GPC3: variants seen among roughly 807,000 people sequenced by gnomAD.
The protein encoded by GPC3 is glypican 3, also known as glypican-3.
GPC3 carries 3 observed loss-of-function variants against 34.4 expected under a neutral mutation model. The observed-to-expected ratio is 0.09, with a 90% CI of 0.04 to 0.23. The LOEUF is 0.23. Among genes scored for constraint, GPC3 ranks in the 10% least tolerant of loss-of-function variants. GPC3 has a pLI of 1.00. For missense variants in GPC3, 351 were observed against 445.6 expected, an observed-to-expected ratio of 0.79 and a Z score of 1.91; for synonymous variants, 177 against 174.0, an observed-to-expected ratio of 1.02 and a Z score of -0.13.
chrX:133,614,114 T>C (rs1488554983), intron 6 of GPC3, among the ~76,000 whole-genome samples: 4 of 111,514 alleles, frequency 3.6e-5, no homozygotes, highest in African/African-American at 1.3e-4. Context: ...TGCAGAGTCA[T>C]GTGGGATACC....
At chrX:133,976,290 C>A (rs2076514483) in intron 1 of GPC3, among the ~76,000 whole-genome samples, 1 of 111,783 alleles carries the variant, frequency 8.9e-6, no homozygotes, top group Non-Finnish European at 1.9e-5. Context: ...TGGAACCAGG[C>A]AGGTTGCTGG....
chrX:133,958,711 A>G (rs2124638100), intron 1 of GPC3, among the ~76,000 whole-genome samples: 2 of 103,971 alleles, frequency 1.9e-5, no homozygotes, highest in African/African-American at 7.0e-5. Context: ...TCTCTACTGA[A>G]AAAAAAAAAA....
At chrX:133,902,973 G>A (rs1039496744) in intron 2 of GPC3, among the ~76,000 whole-genome samples, 8 of 110,742 alleles carry the variant, frequency 7.2e-5, no homozygotes, top group Admixed American at 2.9e-4. Flanking sequence ...GGCCGGGTGC[G>A]GTAGCCCATG....
At chrX:133,690,022 A>G (rs1037595708) in intron 5 of GPC3, among the ~76,000 whole-genome samples, 4 of 112,099 alleles carry the variant, frequency 3.6e-5, no homozygotes, top group African/African-American at 1.3e-4. Context: ...AAAAATGTTC[A>G]TGATTCTTCT....
intron 1 of GPC3, among the ~76,000 whole-genome samples, chrX:133,981,399 G>A (rs2076538324): frequency 8.9e-6 from 1 of 111,952 alleles, no homozygotes; most frequent in Admixed American, 9.5e-5. Flanking sequence ...AGCCCAAGGT[G>A]CCCCACCAAT....
intron 2 of GPC3, among the ~76,000 whole-genome samples, chrX:133,841,302 C>G (rs2075823554): frequency 1.0e-5 from 1 of 96,345 alleles, no homozygotes; most frequent in African/African-American, 3.8e-5. Flanking sequence ...TCAAGCAATT[C>G]TCCTGCCTCA....
At chrX:133,598,093 T>A (rs1426739694) in intron 6 of GPC3, among the ~76,000 whole-genome samples, 1 of 112,440 alleles carries the variant, frequency 8.9e-6, no homozygotes, top group Non-Finnish European at 1.9e-5. Context: ...TGAGAAATTT[T>A]AAAAATATTT....
intron 3 of GPC3, among the ~76,000 whole-genome samples, chrX:133,744,714 T>G (rs2071595339): frequency 1.8e-5 from 2 of 112,346 alleles, no homozygotes; most frequent in South Asian, 7.5e-4. Flanking sequence ...CATGCACATG[T>G]ATGCTTATTG....
chrX:133,850,908 G>A (rs949895321), intron 2 of GPC3, among the ~76,000 whole-genome samples: 1 of 106,714 alleles, frequency 9.4e-6, no homozygotes, highest in Admixed American at 1.0e-4. Flanking sequence ...TGGTTACCAC[G>A]GGGTAGAGAA....
chrX:133,985,581 C>T lies in GPC3; in HGVS notation c.-132G>A, dbSNP rs1162275183. On this transcript the variant is annotated 5_prime_UTR_variant, in exon 1 of 8. Coordinates refer to ENST00000370818, the MANE Select transcript of GPC3 (RefSeq NM_004484.4). ...TGCTACCCAGCCGCTGCAAAAGTTT[C>T]CTCGCAGCTACCTGGGCGCTGGGCG... 1.1e-5 allele frequency: 7 copies of T among 655,776 alleles called. No individual in the cohort carries two copies. The highest frequency in any genetic ancestry group is 2.2e-5 in the African/African-American group (1 of 45,755). The allele number at this position is 655,776 out of a possible 1,213,427, so 54.0% of individuals were successfully genotyped here. A position where few individuals can be genotyped will look rare whatever the true frequency, so the allele number is the denominator to read the frequency against.
intron 2 of GPC3, among the ~76,000 whole-genome samples, chrX:133,813,000 G>T (rs2075672676): frequency 8.9e-6 from 1 of 112,658 alleles, no homozygotes; most frequent in Admixed American, 9.4e-5. Flanking sequence ...TGAAGTGAAA[G>T]AAAAGCCTCC....
chrX:133,904,952 T>C (rs1289319987), intron 2 of GPC3, among the ~76,000 whole-genome samples: 1 of 112,331 alleles, frequency 8.9e-6, no homozygotes, highest in East Asian at 2.8e-4. Context: ...ATTTGCTTTC[T>C]GGCCATTTGT....
At chrX:133,772,912 T>C (rs773233195) in intron 2 of GPC3, among the ~76,000 whole-genome samples, 1 of 111,471 alleles carries the variant, frequency 9.0e-6, no homozygotes, top group East Asian at 2.8e-4. Flanking sequence ...GAATTCAAAA[T>C]GAGCTCTGAA....
At chrX:133,807,129 G>C (rs962409523) in intron 2 of GPC3, among the ~76,000 whole-genome samples, 1 of 111,646 alleles carries the variant, frequency 9.0e-6, no homozygotes, top group Non-Finnish European at 1.9e-5. Context: ...GTGGGGCCTG[G>C]TGGGAGGTGT....
intron 2 of GPC3, among the ~76,000 whole-genome samples, chrX:133,844,113 G>A (rs970493621): frequency 8.9e-6 from 1 of 111,791 alleles, no homozygotes; most frequent in Non-Finnish European, 1.9e-5. Flanking sequence ...AAAATGACTC[G>A]GTGAAAGGAG....
chrX:133,655,476 C>A lies in GPC3; in HGVS notation c.1413+6254G>T, dbSNP rs868287046. ...TGTAGGTACTCTGTCCTTCACACAC[C>A]CACACACACACACACACACACACAC... On this transcript the variant is annotated intron_variant, in intron 6 of 7. Transcript: ENST00000370818. Among the ~76,000 whole-genome samples, 63 of 97,612 alleles carry A rather than the reference C, an allele frequency of 6.5e-4. 1 individual carries two copies. Among genetic ancestry groups the A allele is most frequent in the African/African-American group, 2.1e-3 (55 of 26,238 alleles). 84.8% of individuals were successfully genotyped at this position (97,612 alleles called of 115,157 possible). A position where few individuals can be genotyped will look rare whatever the true frequency, so the allele number is the denominator to read the frequency against.
At chrX:133,820,515 A>G (rs926427295) in intron 2 of GPC3, among the ~76,000 whole-genome samples, 1 of 111,462 alleles carries the variant, frequency 9.0e-6, no homozygotes, top group South Asian at 3.9e-4. Flanking sequence ...ATGATTTTGG[A>G]ACTAGGAGGT....
intron 3 of GPC3, among the ~76,000 whole-genome samples, chrX:133,728,664 C>T (rs1404103713): frequency 3.6e-5 from 4 of 112,581 alleles, no homozygotes; most frequent in Non-Finnish European, 3.8e-5. Flanking sequence ...CTGGCTATGG[C>T]TTGACTTTTG....
At chrX:133,974,384 T>C (rs1470904621) in intron 1 of GPC3, among the ~76,000 whole-genome samples, 2 of 112,677 alleles carry the variant, frequency 1.8e-5, no homozygotes, top group Non-Finnish European at 3.7e-5. Flanking sequence ...TTATTCATTA[T>C]TACTATCAAG....
Sources: allele counts gnomAD v4.1 joint callset (sites outside exome capture counted in the v4.1 genomes callset), GRCh38; gene constraint gnomAD v4.1.1; transcripts MANE v1.5; gene names NCBI Gene and HGNC (gene_info 2026-07-23, HGNC 2026-07-21).